The following RFX1 variants were observed in gnomAD, a reference collection of about 807,000 sequenced individuals.
The protein encoded by RFX1 is MHC class II regulatory factor RFX1.
Under a neutral mutation model 119.6 loss-of-function variants are expected in RFX1, and 42 were observed. That is an observed-to-expected ratio of 0.35 (90% CI 0.27 to 0.45). The LOEUF (loss-of-function observed/expected upper bound fraction) is 0.45, where lower values mean the gene tolerates loss of function less well. Ranked by LOEUF, RFX1 falls within the 20% of genes least tolerant of loss-of-function variation. The pLI is 1.00. For missense variants in RFX1, 1,118 were observed against 1,368.1 expected, an observed-to-expected ratio of 0.82 and a Z score of 2.88; for synonymous variants, 628 against 618.5, an observed-to-expected ratio of 1.02 and a Z score of -0.23.
Position 13,966,708 on chromosome 19 carries a change from C to G in RFX1, c.1776G>C (p.Gln592His). ...CGACGCCCTCAGGCAGCACCTTGCC[C>G]TGGAGGTCGAGCTCTGTGAAGTCAG... ...SLPDFTELDLQGKVLPEGVGP... is the reference protein window; with the variant it reads ...SLPDFTELDLHGKVLPEGVGP... The change falls in exon 13 of 21, where the codon CAG becomes CAC. Residue 592 changes from glutamine to histidine, a missense_variant. Physicochemically the swap from Gln to His is conservative, Grantham distance 24. This residue lies in a region of RFX1 where 338 missense variants were observed against 508.9 expected (regional missense o/e 0.66). Transcript: ENST00000254325. The surrounding 1 kb of genome is among the most constrained non-coding windows in gnomAD (Gnocchi z 6.3). 2 of 1,611,426 alleles carry G rather than the reference C, an allele frequency of 1.2e-6. No homozygotes were observed. The highest frequency in any genetic ancestry group is 1.7e-5 in the Admixed American group (1 of 59,848).
chr19:13,966,339 C>A lies in RFX1; in HGVS notation c.1961+82G>T. The A allele has an allele frequency of 1.2e-6, 1 of 857,934 alleles. No homozygotes were observed. 53.1% of individuals were successfully genotyped at this position (857,934 alleles called of 1,614,324 possible). A position where few individuals can be genotyped will look rare whatever the true frequency, so the allele number is the denominator to read the frequency against. ...ACAAACTGCAGGGGACAAGCAGGTG[C>A]CCCAACCCTGGCCATCAAAATCACC... On this transcript the variant is annotated intron_variant, in intron 14 of 20. Transcript: ENST00000254325. The surrounding 1 kb of genome is among the most constrained non-coding windows in gnomAD (Gnocchi z 6.3).
chr19:13,983,292 A>T (rs868602044), intron 3 of RFX1, 22 bp from the exon 4 acceptor site: 1 of 1,530,934 alleles, frequency 6.5e-7, no homozygotes, highest in Non-Finnish European at 8.8e-7. Flanking sequence ...AGGCAGGAGG[A>T]GCTGAGCTGC....
At chr19:13,988,879 T>G (rs1974704038) in intron 2 of RFX1, among the ~76,000 whole-genome samples, 1 of 151,862 alleles carries the variant, frequency 6.6e-6, no homozygotes, top group Admixed American at 6.6e-5. Context: ...AAAATTACCC[T>G]GGTGTGGTGG....
chr19:13,986,539 G>A lies in RFX1; in HGVS notation c.320-2944C>T, dbSNP rs371425781. Among the ~76,000 whole-genome samples, 4 of 152,254 alleles carry A rather than the reference G, an allele frequency of 2.6e-5. No homozygotes were observed. The East Asian group carries it at 5.8e-4, about 22-fold the overall frequency. On this transcript the variant is annotated intron_variant, in intron 2 of 20. Coordinates refer to ENST00000254325, the MANE Select transcript of RFX1 (RefSeq NM_002918.5). This position sits in a 1 kb window ranked among gnomAD's most constrained non-coding sequence, Gnocchi z 4.2. ...CACCACTGGGTCTGGCCCTCGCTGT[G>A]TTTCAGGGAGGAGAAGCCAGGAGGG...
In RFX1 at chr19:13,963,050, A is replaced by G. The variant is rs1237966838; in HGVS notation, c.2725-11T>C. The G allele has an allele frequency of 1.3e-6, 2 of 1,576,268 alleles. No individual in the cohort carries two copies. The highest frequency in any genetic ancestry group is 1.7e-6 in the Non-Finnish European group (2 of 1,160,574). ...GGCCAGATTGGCGAACTGGAGGAAGAAGAGAAGAAAATGGGTGAGGGTCCC... is the reference window on the plus strand; with the variant it reads ...GGCCAGATTGGCGAACTGGAGGAAGGAGAGAAGAAAATGGGTGAGGGTCCC... On this transcript the variant is annotated splice_polypyrimidine_tract_variant and intron_variant, in intron 19 of 20. Transcript: ENST00000254325.
chr19:13,965,408 A>G lies in RFX1; in HGVS notation c.2211+41T>C. On this transcript the variant is annotated intron_variant, in intron 16 of 20. Coordinates refer to ENST00000254325, the MANE Select transcript of RFX1 (RefSeq NM_002918.5). This position sits in a 1 kb window ranked among gnomAD's most constrained non-coding sequence, Gnocchi z 4.7. ...GGGGAGCAGAGGAGACGGAGGCCTA[A>G]GCCCCAGAGATAGGAGAAAGGGACC... is the stretch of plus-strand genomic sequence containing the variant. 1 of 1,567,082 alleles carries G rather than the reference A, an allele frequency of 6.4e-7. No individual in the cohort carries two copies. The highest frequency in any genetic ancestry group is 8.8e-7 in the Non-Finnish European group (1 of 1,139,680).
At chr19:13,999,113 A>G (rs939830167) in intron 1 of RFX1, among the ~76,000 whole-genome samples, 2 of 152,202 alleles carry the variant, frequency 1.3e-5, no homozygotes, top group African/African-American at 4.8e-5. Flanking sequence ...AGGAGACTAC[A>G]TTAAGCAATT....
chr19:13,999,397 C>T (rs1214397242), intron 1 of RFX1, among the ~76,000 whole-genome samples: 2 of 152,122 alleles, frequency 1.3e-5, no homozygotes, highest in Non-Finnish European at 2.9e-5. Context: ...AAGCAGTAAA[C>T]GTTATTAGTT....
At position 13,965,216 on chromosome 19, in the gene RFX1, G is replaced by A. The variant is rs2145534052; in HGVS notation, c.2211+233C>T. Among the ~76,000 whole-genome samples, 1 of 152,330 alleles carries A rather than the reference G, an allele frequency of 6.6e-6. No homozygotes were observed. Among genetic ancestry groups the A allele is most frequent in the South Asian group, 2.1e-4 (1 of 4,828 alleles). ...GGTTTTTATTTTTGAAAGATGCTGT[G>A]TTGAGTACAGTAACACCACAAAGGG... is the stretch of plus-strand genomic sequence containing the variant. On this transcript the variant is annotated intron_variant, in intron 16 of 20. Transcript: ENST00000254325. This position sits in a 1 kb window ranked among gnomAD's most constrained non-coding sequence, Gnocchi z 4.7.
chr19:13,988,024 C>CT (rs768766007), intron 2 of RFX1, among the ~76,000 whole-genome samples: 3,861 of 134,454 alleles, frequency 0.029, 155 homozygotes, highest in African/African-American at 0.08. Context: ...ACTTCTTGCT[C>CT]TTTTTTTTTT....
chr19:13,979,536 C>T lies in RFX1; in HGVS notation c.745G>A (p.Val249Met), dbSNP rs1974363757. 1.9e-6 allele frequency: 3 copies of T among 1,586,420 alleles called. No individual in the cohort carries two copies. The highest frequency in any genetic ancestry group is 2.6e-6 in the Non-Finnish European group (3 of 1,164,598). Reference sequence around the variant, plus strand: ...GGCGCTTGTGGAGTGGCCTGGACCACAGATCTCTGGGAGGGGAAAGGCAAC... The same window carrying T: ...GGCGCTTGTGGAGTGGCCTGGACCATAGATCTCTGGGAGGGGAAAGGCAAC... ...QSVPVTQERSVVQATPQAPKP... is the reference protein window; with the variant it reads ...QSVPVTQERSMVQATPQAPKP... The change falls in exon 7 of 21, where the codon GTG becomes ATG. Residue 249 changes from valine (V) to methionine (M), a missense_variant. By Grantham distance (21) the Val-to-Met change is conservative (BLOSUM62 1). Transcript: ENST00000254325.
chr19:13,972,757 C>A lies in RFX1; in HGVS notation c.1300G>T (p.Ala434Ser). 2 of 1,599,580 alleles carry A rather than the reference C, an allele frequency of 1.3e-6. No homozygotes were observed. The highest frequency in any genetic ancestry group is 2.2e-5 in the South Asian group (2 of 89,558). Reference protein sequence around the residue: ...ASQSYSHTTRASPATVQWLLD... With the variant: ...ASQSYSHTTRSSPATVQWLLD... ...GGGGCACTTACCGTGGCTGGCGAGG[C>A]ACGGGTGGTGTGAGAGTAAGACTGG... Residue 434 changes from alanine to serine, a missense_variant, in exon 9 of 21, where the codon GCC becomes TCC. Transcript: ENST00000254325.
In RFX1 at chr19:13,980,741, C is replaced by CTGGGGTGGGCTCGCATCCTCTA. The variant is rs752812215; in HGVS notation, c.622-53_622-52insTAGAGGATGCGAGCCCACCCCA. ...CCGCTGGGGTGGGCTTGCATCCTCT[C>CTGGGGTGGGCTCGCATCCTCTA]TGAGGTGGGCTCACACACACACCCT... On this transcript the variant is annotated intron_variant, in intron 5 of 20. Coordinates refer to ENST00000254325, the MANE Select transcript of RFX1 (RefSeq NM_002918.5). This position sits in a 1 kb window ranked among gnomAD's most constrained non-coding sequence, Gnocchi z 5.1. 3 of 1,315,720 alleles carry CTGGGGTGGGCTCGCATCCTCTA rather than the reference C, an allele frequency of 2.3e-6. No homozygotes were observed. Among genetic ancestry groups the CTGGGGTGGGCTCGCATCCTCTA allele is most frequent in the Non-Finnish European group, 3.2e-6 (3 of 938,290 alleles). The allele number at this position is 1,315,720 out of a possible 1,614,324, so 81.5% of individuals were successfully genotyped here.
chr19:13,994,052 G>C (rs1489845037), intron 1 of RFX1, among the ~76,000 whole-genome samples, 157 bp from the exon 2 acceptor site: 1 of 151,992 alleles, frequency 6.6e-6, no homozygotes, highest in Non-Finnish European at 1.5e-5. Flanking sequence ...CCCCAGGCTG[G>C]TGGCCAGAAA....
chr19:13,982,915 C>T (rs1262495442), intron 4 of RFX1: 6 of 492,964 alleles, frequency 1.2e-5, no homozygotes, highest in South Asian at 2.5e-5. Context: ...TTCTCTGCTT[C>T]GGGACACTGG....
chr19:13,983,008 G>A (rs1026702735), intron 4 of RFX1, 179 bp downstream of exon 4: 1 of 582,634 alleles, frequency 1.7e-6, no homozygotes, highest in Non-Finnish European at 3.0e-6. Flanking sequence ...GTCCCTGATG[G>A]CCCCTGCCGG....
intron 7 of RFX1, 39 bp downstream of exon 7, chr19:13,979,408 A>G: frequency 7.0e-7 from 1 of 1,434,978 alleles, no homozygotes; most frequent in East Asian, 2.5e-5. Context: ...GCCCGGGACC[A>G]GCCCCTTTGC....
At position 13,972,733 on chromosome 19, in the gene RFX1, G is replaced by C. The variant is rs376933985; in HGVS notation, c.1314+10C>G. On this transcript the variant is annotated intron_variant, in intron 9 of 20. Transcript: ENST00000254325. ...CCTGCCTCCTCTGGGGCCCGCGTTG[G>C]GGCACTTACCGTGGCTGGCGAGGCA... 14 of 1,584,160 alleles carry C rather than the reference G, an allele frequency of 8.8e-6. No homozygotes were observed. The African/African-American group carries it at 1.9e-4, about 21-fold the overall frequency.
chr19:13,972,400 G>C (rs1437344989), intron 9 of RFX1, among the ~76,000 whole-genome samples: 1 of 152,158 alleles, frequency 6.6e-6, no homozygotes, highest in African/African-American at 2.4e-5. Context: ...CACCATGTTG[G>C]TCGGGCTGGT....
Sources: gnomAD v4.1 joint callset for allele counts (sites outside exome capture counted in the v4.1 genomes callset) on GRCh38, gnomAD v4.1.1 for gene constraint, gnomAD v4.1.1 regional missense constraint, Gnocchi (gnomAD v3.1) non-coding constraint, MANE v1.5 for transcripts, NCBI Gene and HGNC (gene_info 2026-07-23, HGNC 2026-07-21) for gene names.